The following ALDH1L1 variants were observed in gnomAD, a reference collection of about 807,000 sequenced individuals.
ALDH1L1 encodes the protein aldehyde dehydrogenase 1 family member L1.
ALDH1L1 carries 68 observed loss-of-function variants against 101.1 expected under a neutral mutation model. That is an observed-to-expected ratio of 0.67 (90% CI 0.55 to 0.82). The LOEUF (loss-of-function observed/expected upper bound fraction) is 0.82. Ranked by LOEUF, ALDH1L1 falls within the 40% of genes least tolerant of loss-of-function variation. The pLI is 0.00. For synonymous variants in ALDH1L1, 486 were observed against 470.8 expected (o/e 1.03, Z -0.42); for missense variants, 1,087 against 1,172.7 (o/e 0.93, Z 1.07).
chr3:126,144,871 T>C (rs1304732357), intron 9 of ALDH1L1, among the ~76,000 whole-genome samples: 2 of 152,200 alleles, frequency 1.3e-5, no homozygotes, highest in East Asian at 1.9e-4. Context: ...AAAAAGCTTC[T>C]GCAAAGCAAA....
At chr3:126,125,031 G>A (rs900375888) in intron 15 of ALDH1L1, among the ~76,000 whole-genome samples, 1 of 152,094 alleles carries the variant, frequency 6.6e-6, no homozygotes, top group Non-Finnish European at 1.5e-5. Context: ...GGCTGTCATT[G>A]CCAATGTACA....
At chr3:126,187,491 C>G (rs374547593) in intron 1 of ALDH1L1, among the ~76,000 whole-genome samples, 1 of 152,186 alleles carries the variant, frequency 6.6e-6, no homozygotes, top group Admixed American at 6.5e-5. Context: ...GAGGGAAGCT[C>G]GAGCAGTCCT....
At chr3:126,158,384 T>C in intron 3 of ALDH1L1, 21 bp downstream of exon 3, 2 of 1,541,278 alleles carry the variant, frequency 1.3e-6, no homozygotes, top group Non-Finnish European at 1.8e-6. Flanking sequence ...GATGGCCCCC[T>C]GTGTTTTTGC....
chr3:126,119,483 C>T (rs764644641), intron 16 of ALDH1L1, among the ~76,000 whole-genome samples: 24 of 152,186 alleles, frequency 1.6e-4, no homozygotes, highest in Admixed American at 5.9e-4. Flanking sequence ...TCCCATGACT[C>T]GCTCAGTCCA....
chr3:126,150,599 G>C (rs984699855), intron 7 of ALDH1L1, 68 bp from the exon 8 acceptor site: 11 of 1,492,184 alleles, frequency 7.4e-6, no homozygotes, highest in African/African-American at 2.8e-5. Context: ...CTGTTGCCCA[G>C]GCTGGAGTGC....
chr3:126,165,843 G>C (rs1424141650), intron 1 of ALDH1L1, among the ~76,000 whole-genome samples: 6 of 152,108 alleles, frequency 3.9e-5, no homozygotes, highest in African/African-American at 1.4e-4. Flanking sequence ...GTGGTCTAAT[G>C]ATCTTGTTTA....
intron 1 of ALDH1L1, among the ~76,000 whole-genome samples, chr3:126,163,126 T>G (rs762855493): frequency 7.2e-5 from 11 of 152,218 alleles, no homozygotes; most frequent in Non-Finnish European, 1.5e-4. Context: ...GTGGTTTTGA[T>G]TTGTATTTTC....
At chr3:126,163,527 A>C (rs2081105079) in intron 1 of ALDH1L1, among the ~76,000 whole-genome samples, 1 of 152,236 alleles carries the variant, frequency 6.6e-6, no homozygotes, top group Non-Finnish European at 1.5e-5. Flanking sequence ...CTTGGGAAGA[A>C]ACCATTCAAT....
At chr3:126,189,624 A>G (rs2081540730) in intron 1 of ALDH1L1, among the ~76,000 whole-genome samples, 1 of 152,220 alleles carries the variant, frequency 6.6e-6, no homozygotes, top group African/African-American at 2.4e-5. Flanking sequence ...TTCAGGTTCT[A>G]AACTGTGAGG....
chr3:126,173,891 T>A (rs2081326355), intron 1 of ALDH1L1, among the ~76,000 whole-genome samples: 1 of 152,228 alleles, frequency 6.6e-6, no homozygotes, highest in Admixed American at 6.5e-5. Flanking sequence ...GAGTCAATTA[T>A]CCCAGCAGAC....
chr3:126,172,677 C>A (rs1290269112), intron 1 of ALDH1L1, among the ~76,000 whole-genome samples: 1 of 149,920 alleles, frequency 6.7e-6, no homozygotes, highest in Non-Finnish European at 1.5e-5. Flanking sequence ...GTGATAATGA[C>A]TGATAATTTT....
chr3:126,143,500 C>G (rs540648030), intron 9 of ALDH1L1, among the ~76,000 whole-genome samples: 1 of 152,310 alleles, frequency 6.6e-6, no homozygotes, highest in South Asian at 2.1e-4. Flanking sequence ...CATGATTGAC[C>G]ATGGGTAACT....
intron 1 of ALDH1L1, among the ~76,000 whole-genome samples, chr3:126,196,612 A>G (rs2081583311): frequency 6.6e-6 from 1 of 152,220 alleles, no homozygotes; most frequent in African/African-American, 2.4e-5. Context: ...TGAAACCAAC[A>G]AAGCTCAACT....
intron 4 of ALDH1L1, among the ~76,000 whole-genome samples, chr3:126,157,059 T>C (rs990069549): frequency 3.9e-5 from 6 of 152,220 alleles, no homozygotes; most frequent in Admixed American, 2.6e-4. Flanking sequence ...ACCCAGTCCC[T>C]GCCTTTAGCC....
intron 1 of ALDH1L1, among the ~76,000 whole-genome samples, chr3:126,163,763 T>A (rs4518075): frequency 6.6e-6 from 1 of 152,030 alleles, no homozygotes; most frequent in Non-Finnish European, 1.5e-5. Context: ...CACTTGACCA[T>A]GATGTATAAC....
intron 12 of ALDH1L1, among the ~76,000 whole-genome samples, chr3:126,134,627 C>G (rs1156974358): frequency 6.6e-6 from 1 of 152,256 alleles, no homozygotes; most frequent in Non-Finnish European, 1.5e-5. Flanking sequence ...CTTGCAACCC[C>G]TCTCTCTAGT....
At chr3:126,169,021 CA>C (rs1259141750) in intron 1 of ALDH1L1, among the ~76,000 whole-genome samples, 1 of 152,098 alleles carries the variant, frequency 6.6e-6, no homozygotes, top group Non-Finnish European at 1.5e-5. Context: ...GAAACTTTAA[CA>C]AGCGCTCTCA....
chr3:126,170,642 G>A (rs899944122), intron 1 of ALDH1L1, among the ~76,000 whole-genome samples: 1 of 152,158 alleles, frequency 6.6e-6, no homozygotes, highest in Middle Eastern at 3.4e-3. Context: ...CTCCACCCCC[G>A]CATCAGCAGG....
chr3:126,180,795 CT>C, upstream of ALDH1L1: 1 of 1,502,818 alleles, frequency 6.7e-7, no homozygotes, highest in Non-Finnish European at 8.9e-7. Flanking sequence ...GTCAAGAAGA[CT>C]TACTGTGGAC....
Sources: gnomAD v4.1 joint callset for allele counts (sites outside exome capture counted in the v4.1 genomes callset) on GRCh38, gnomAD v4.1.1 for gene constraint, MANE v1.5 for transcripts, NCBI Gene and HGNC (gene_info 2026-07-23, HGNC 2026-07-21) for gene names.